Variants in ZNF536 observed in about 807,000 individuals in gnomAD.
The protein encoded by ZNF536 is zinc finger protein 536.
A neutral mutation model predicts 84.5 loss-of-function variants in ZNF536; 13 were observed. The observed-to-expected ratio is 0.15, with a 90% confidence interval of 0.10 to 0.24. ZNF536 has a LOEUF of 0.24. Among genes scored for constraint, ZNF536 ranks in the 10% least tolerant of loss-of-function variants. ZNF536 has a pLI of 1.00. For missense variants in ZNF536, 1,536 were observed against 1,747.5 expected, an observed-to-expected ratio of 0.88 and a Z score of 2.16; for synonymous variants, 811 against 742.5, an observed-to-expected ratio of 1.09 and a Z score of -1.50.
At chr19:30,330,692 T>C (rs1280369777) in intron 2 of ZNF536, among the ~76,000 whole-genome samples, 1 of 152,174 alleles carries the variant, frequency 6.6e-6, no homozygotes, top group Non-Finnish European at 1.5e-5. Flanking sequence ...TCTCAAGACA[T>C]GGCCATTGTA....
intron 2 of ZNF536, among the ~76,000 whole-genome samples, chr19:30,470,984 G>A (rs2053609218): frequency 7.8e-6 from 1 of 128,036 alleles, no homozygotes; most frequent in Non-Finnish European, 1.5e-5. Flanking sequence ...CACTGCGCCC[G>A]GCCTTTTTTT....
chr19:30,598,024 T>C (rs1329973289), intron 1 of ZNF536, among the ~76,000 whole-genome samples: 1 of 152,188 alleles, frequency 6.6e-6, no homozygotes, highest in African/African-American at 2.4e-5. Flanking sequence ...TACATTGTTG[T>C]TGATGGTGTT....
chr19:30,450,451 ACCACC>A (rs1322443672), intron 2 of ZNF536, among the ~76,000 whole-genome samples: 1 of 152,198 alleles, frequency 6.6e-6, no homozygotes, highest in East Asian at 1.9e-4. Context: ...TTCCAGTCCA[ACCACC>A]TTCCACCTCT....
At chr19:30,342,369 A>G (rs2047591603) in intron 2 of ZNF536, among the ~76,000 whole-genome samples, 2 of 152,284 alleles carry the variant, frequency 1.3e-5, no homozygotes, top group East Asian at 3.9e-4. Flanking sequence ...TGGCCCATTC[A>G]CAACTGCTAT....
intron 1 of ZNF536, among the ~76,000 whole-genome samples, chr19:30,696,859 T>G (rs544343823): frequency 2.0e-5 from 3 of 152,254 alleles, no homozygotes; most frequent in African/African-American, 7.2e-5. Flanking sequence ...CTAACTCAAC[T>G]TGGGCCTCAA....
intron 2 of ZNF536, among the ~76,000 whole-genome samples, chr19:30,292,591 G>A (rs949003045): frequency 6.6e-6 from 1 of 152,072 alleles, no homozygotes; most frequent in Admixed American, 6.5e-5. Context: ...AAAGTGCTAG[G>A]GTTATAGGCA....
rs28566103 is a variant in ZNF536 at position 30,624,133 on chromosome 19, A to G, written c.169+74619A>G. Among the ~76,000 whole-genome samples the G allele has an allele frequency of 7.8e-3, 1,181 of 152,196 alleles. 20 individuals carry two copies. The highest frequency in any genetic ancestry group is 0.027 in the African/African-American group (1,106 of 41,504). The stretch of plus-strand genomic sequence containing the variant: ...GGTGTGGGTATGCCTTGGGAGCCCT[A>G]TAATAGCATAGTAGTCAGGTGGATG... On this transcript the variant is annotated intron_variant, in intron 1 of 1. Coordinates refer to the ZNF536 transcript ENST00000592773.
intron 2 of ZNF536, among the ~76,000 whole-genome samples, chr19:30,334,797 G>A (rs1463027057): frequency 6.6e-6 from 1 of 152,200 alleles, no homozygotes; most frequent in Non-Finnish European, 1.5e-5. Context: ...CATGGATGGA[G>A]TGGATGGATG....
At chr19:30,592,855 A>G (rs570400757) in intron 1 of ZNF536, among the ~76,000 whole-genome samples, 1 of 152,278 alleles carries the variant, frequency 6.6e-6, no homozygotes, top group African/African-American at 2.4e-5. Context: ...CGCATTTCTC[A>G]CTTAGGTGTT....
chr19:30,351,016 T>A (rs1214862891), intron 2 of ZNF536, among the ~76,000 whole-genome samples: 1 of 152,202 alleles, frequency 6.6e-6, no homozygotes, highest in African/African-American at 2.4e-5. Flanking sequence ...TAATACAATT[T>A]AATGTCATTC....
At chr19:30,602,262 T>C (rs775710979) in intron 1 of ZNF536, among the ~76,000 whole-genome samples, 13 of 152,208 alleles carry the variant, frequency 8.5e-5, no homozygotes, top group Admixed American at 2.0e-4. Flanking sequence ...CACATCCTCA[T>C]TGGATGTCTG....
At chr19:30,319,091 C>T (rs573710097) in intron 2 of ZNF536, among the ~76,000 whole-genome samples, 2 of 152,280 alleles carry the variant, frequency 1.3e-5, no homozygotes, top group East Asian at 1.9e-4. Flanking sequence ...TTTTCCAGAT[C>T]GTAGACAAAT....
chr19:30,567,059 A>G (rs978810734), intron 1 of ZNF536, among the ~76,000 whole-genome samples: 1 of 152,122 alleles, frequency 6.6e-6, no homozygotes, highest in Non-Finnish European at 1.5e-5. Context: ...TTCTCTGGGC[A>G]GTGGAGGTCC....
In ZNF536 at chr19:30,444,108, G is replaced by T. The variant is rs574116352; in HGVS notation, c.546G>T (p.Leu182=). 34 of 1,611,842 alleles carry T rather than the reference G, an allele frequency of 2.1e-5. No individual in the cohort carries two copies. The Admixed American group carries it at 2.7e-4, about 13-fold the overall frequency. Residue 182 remains leucine (L), a synonymous_variant, in exon 2 of 5, where the codon CTG becomes CTT. Transcript: ENST00000355537. Reference sequence around the variant, plus strand: ...AGATTCACCTGCGGACCCACAAGCTGGGCAACCTGGGCAAGGGGCGTGGGC... The same window carrying T: ...AGATTCACCTGCGGACCCACAAGCTTGGCAACCTGGGCAAGGGGCGTGGGC... The part of the protein sequence containing the change: ...NLKIHLRTHK[L]GNLGKGRGRV...
At chr19:30,551,352 G>A (rs1305226239) in intron 4 of ZNF536, among the ~76,000 whole-genome samples, 4 of 152,150 alleles carry the variant, frequency 2.6e-5, no homozygotes, top group African/African-American at 4.8e-5. Flanking sequence ...GTATCCTTTC[G>A]CACCAGGCGA....
chr19:30,353,942 G>A (rs2146759104), intron 3 of ZNF536, among the ~76,000 whole-genome samples: 1 of 152,282 alleles, frequency 6.6e-6, no homozygotes, highest in Admixed American at 6.5e-5. Context: ...TCCTCCGGGG[G>A]CAGTGAGTAC....
At chr19:30,587,035 T>A (rs980671491) in intron 1 of ZNF536, among the ~76,000 whole-genome samples, 1 of 152,198 alleles carries the variant, frequency 6.6e-6, no homozygotes, top group Non-Finnish European at 1.5e-5. Context: ...TTTCTAAATG[T>A]GTAAAGGACA....
chr19:30,575,842 A>G (rs2046712748), intron 1 of ZNF536, among the ~76,000 whole-genome samples: 1 of 152,196 alleles, frequency 6.6e-6, no homozygotes, highest in African/African-American at 2.4e-5. Context: ...TGAGGCCCTG[A>G]GGACAGCAGC....
At chr19:30,518,839 A>G (rs543484851) in intron 2 of ZNF536, among the ~76,000 whole-genome samples, 104 of 152,214 alleles carry the variant, frequency 6.8e-4, no homozygotes, top group Non-Finnish European at 1.4e-3. Flanking sequence ...GTGATGCCCA[A>G]AAAGGAGTGA....
Sources: gnomAD v4.1 joint callset for allele counts (sites outside exome capture counted in the v4.1 genomes callset) on GRCh38, gnomAD v4.1.1 for gene constraint, MANE v1.5 for transcripts, NCBI Gene and HGNC (gene_info 2026-07-23, HGNC 2026-07-21) for gene names.